The following ARL15 variants were observed in gnomAD, a reference collection of about 807,000 sequenced individuals.
ARL15 encodes the protein ARF like GTPase 15, also known as ADP-ribosylation factor-like protein 15.
A neutral mutation model predicts 25.2 loss-of-function variants in ARL15; 19 were observed. That is an observed-to-expected ratio of 0.75 (90% CI 0.53 to 1.10). The LOEUF is 1.10. Ranked by LOEUF, ARL15 falls within the 50% of genes least tolerant of loss-of-function variation. The pLI, the probability that ARL15 is intolerant of heterozygous loss-of-function variation, is 0.00. For synonymous variants in ARL15, 94 were observed against 86.8 expected (o/e 1.08, Z -0.46); for missense variants, 220 against 246.0 (o/e 0.89, Z 0.71).
intron 3 of ARL15, among the ~76,000 whole-genome samples, chr5:54,114,415 A>AAAAAAAAAAAAAAAAAAAAAAAAAAAAC: frequency 6.7e-6 from 1 of 149,340 alleles, no homozygotes; most frequent in African/African-American, 2.5e-5. Context: ...AGAAAAAAAA[A>AAAAAAAAAAAAAAAAAAAAAAAAAAAAC]AAAAAAAGCA....
chr5:53,995,683 A>G (rs1439168040), intron 4 of ARL15, among the ~76,000 whole-genome samples: 2 of 152,200 alleles, frequency 1.3e-5, no homozygotes, highest in Non-Finnish European at 1.5e-5. Context: ...CAGTGTTTCA[A>G]TGAGGATGCT....
At chr5:53,963,533 C>T (rs1241295509) in intron 4 of ARL15, among the ~76,000 whole-genome samples, 2 of 152,056 alleles carry the variant, frequency 1.3e-5, no homozygotes, top group Non-Finnish European at 2.9e-5. Context: ...GATGGCTGGG[C>T]GCAGTGGCTC....
At chr5:53,943,967 G>A (rs1326354095) in intron 4 of ARL15, among the ~76,000 whole-genome samples, 1 of 152,200 alleles carries the variant, frequency 6.6e-6, no homozygotes, top group Admixed American at 6.5e-5. Flanking sequence ...TAAATGGTCT[G>A]GAAGTGGCAG....
chr5:54,130,227 C>T (rs1753388877), intron 3 of ARL15, among the ~76,000 whole-genome samples: 1 of 151,960 alleles, frequency 6.6e-6, no homozygotes, highest in Admixed American at 6.6e-5. Flanking sequence ...CAAAACAAAA[C>T]AAACAAACAA....
At chr5:54,230,346 G>GAAAAAAAAAA (rs137882615) in intron 1 of ARL15, among the ~76,000 whole-genome samples, 43 of 91,686 alleles carry the variant, frequency 4.7e-4, no homozygotes, top group Non-Finnish European at 6.7e-4. Context: ...TTCCATCTCA[G>GAAAAAAAAAA]AAAAAAAAAA....
chr5:54,208,127 G>A (rs1755924269), intron 1 of ARL15, among the ~76,000 whole-genome samples: 1 of 152,066 alleles, frequency 6.6e-6, no homozygotes, highest in African/African-American at 2.4e-5. Flanking sequence ...TACCCCAAGA[G>A]AGAAAACCTA....
chr5:53,944,422 G>T (rs544606258), intron 4 of ARL15, among the ~76,000 whole-genome samples: 56 of 152,108 alleles, frequency 3.7e-4, no homozygotes, highest in Non-Finnish European at 6.5e-4. Context: ...ACCATCCTGG[G>T]CAACACGGTG....
At chr5:54,282,270 C>T (rs1009679228) in intron 1 of ARL15, 3 of 985,328 alleles carry the variant, frequency 3.0e-6, no homozygotes, top group Non-Finnish European at 3.6e-6. Flanking sequence ...ACATTGCTTA[C>T]CGTGTAAATC....
At chr5:54,244,992 TTTTC>T (rs1757053622) in intron 1 of ARL15, among the ~76,000 whole-genome samples, 1 of 152,138 alleles carries the variant, frequency 6.6e-6, no homozygotes, top group South Asian at 2.1e-4. Context: ...CCCAAGTAAA[TTTTC>T]TTTATGTAAC....
chr5:53,999,367 T>A (rs1421294836), intron 4 of ARL15, among the ~76,000 whole-genome samples: 1 of 151,726 alleles, frequency 6.6e-6, no homozygotes, highest in Non-Finnish European at 1.5e-5. Flanking sequence ...GGCAGGTGGA[T>A]CACCTGAGGT....
intron 2 of ARL15, among the ~76,000 whole-genome samples, chr5:54,159,018 AG>A (rs1227680710): frequency 6.6e-6 from 1 of 152,202 alleles, no homozygotes; most frequent in African/African-American, 2.4e-5. Flanking sequence ...ATACTGGTAA[AG>A]TCAACTGACC....
intron 4 of ARL15, among the ~76,000 whole-genome samples, chr5:54,009,722 T>C (rs973200027): frequency 3.3e-5 from 5 of 152,228 alleles, no homozygotes; most frequent in African/African-American, 7.2e-5. Context: ...ACAAACTTGA[T>C]GAAAAATGGG....
At chr5:53,925,997 C>CTTTTTTTTTT (rs70986651) in intron 4 of ARL15, among the ~76,000 whole-genome samples, 7 of 122,780 alleles carry the variant, frequency 5.7e-5, no homozygotes, top group East Asian at 2.4e-4. Flanking sequence ...TTTTTTCTTT[C>CTTTTTTTTTT]TTTTTTTTTT....
intron 4 of ARL15, among the ~76,000 whole-genome samples, chr5:54,029,315 C>CACCACCACCACCACCACT (rs1416772542): frequency 8.6e-5 from 10 of 115,702 alleles, no homozygotes; most frequent in Non-Finnish European, 1.6e-4. Context: ...TTACCACCAC[C>CACCACCACCACCACCACT]ACCACCACCA....
intron 4 of ARL15, among the ~76,000 whole-genome samples, chr5:53,944,687 T>C (rs1385469621): frequency 2.0e-5 from 3 of 152,200 alleles, no homozygotes; most frequent in African/African-American, 7.2e-5. Flanking sequence ...TCCTACTACC[T>C]TATCCTTTTC....
chr5:54,177,958 C>T (rs896087488), intron 1 of ARL15, among the ~76,000 whole-genome samples: 9 of 152,200 alleles, frequency 5.9e-5, no homozygotes, highest in African/African-American at 2.2e-4. Context: ...ACAGTTAATA[C>T]TATGACACAT....
chr5:54,212,499 G>C (rs143365548), intron 1 of ARL15, among the ~76,000 whole-genome samples: 1,723 of 152,248 alleles, frequency 0.011, 12 homozygotes, highest in Middle Eastern at 0.031. Context: ...CTAGTTGTAA[G>C]AGAAGCTGAG....
At chr5:54,223,456 G>A (rs1016632506) in intron 1 of ARL15, among the ~76,000 whole-genome samples, 5 of 152,098 alleles carry the variant, frequency 3.3e-5, no homozygotes, top group African/African-American at 9.7e-5. Context: ...AGTTGAATGC[G>A]ATCCCAGAGT....
chr5:53,997,213 T>G (rs1027976463), intron 4 of ARL15, among the ~76,000 whole-genome samples: 2 of 152,214 alleles, frequency 1.3e-5, no homozygotes, highest in Non-Finnish European at 2.9e-5. Context: ...ATAATCTGTC[T>G]TCTTCTTTAT....
Sources: allele counts gnomAD v4.1 joint callset (sites outside exome capture counted in the v4.1 genomes callset), GRCh38; gene constraint gnomAD v4.1.1; transcripts MANE v1.5; gene names NCBI Gene and HGNC (gene_info 2026-07-23, HGNC 2026-07-21).